GALNTL6: variants seen among roughly 807,000 people sequenced by gnomAD.
GALNTL6 encodes the protein polypeptide N-acetylgalactosaminyltransferase-like 6.
GALNTL6 carries 46 observed loss-of-function variants against 73.7 expected under a neutral mutation model. The ratio of observed to expected loss-of-function variants is 0.62; its 90% CI spans 0.49 to 0.80. The LOEUF (loss-of-function observed/expected upper bound fraction) is 0.80, where lower values mean the gene tolerates loss of function less well. GALNTL6 is among the 30% of genes least tolerant of loss of function. The probability of loss-of-function intolerance (pLI) is 0.00; values close to 1 mark genes in which losing one functional copy is unlikely to be tolerated. For synonymous variants in GALNTL6, 259 were observed against 263.7 expected (o/e 0.98, Z 0.17); for missense variants, 604 against 755.0 (o/e 0.80, Z 2.34).
chr4:172,456,435 A>G (rs2111433309), intron 5 of GALNTL6, among the ~76,000 whole-genome samples: 1 of 152,106 alleles, frequency 6.6e-6, no homozygotes, highest in African/African-American at 2.4e-5. Context: ...AACCCAATGC[A>G]AGGAAGCTAA....
chr4:172,988,801 G>A (rs1751410452), intron 10 of GALNTL6, among the ~76,000 whole-genome samples: 1 of 152,248 alleles, frequency 6.6e-6, no homozygotes, highest in Non-Finnish European at 1.5e-5. Context: ...CACTGCTCCA[G>A]AGGGTGCAAG....
intron 10 of GALNTL6, among the ~76,000 whole-genome samples, chr4:172,970,617 C>A (rs917517403): frequency 6.6e-6 from 1 of 152,182 alleles, no homozygotes; most frequent in Non-Finnish European, 1.5e-5. Flanking sequence ...TTCCCTTGTT[C>A]CCTGAAAATT....
intron 3 of GALNTL6, among the ~76,000 whole-genome samples, chr4:172,310,043 CA>C (rs1740295160): frequency 6.6e-6 from 1 of 151,964 alleles, no homozygotes; most frequent in Non-Finnish European, 1.5e-5. Flanking sequence ...CCAGAAAGGC[CA>C]GTTTATTAAA....
At chr4:171,850,841 C>G (rs1735505245) in intron 2 of GALNTL6, among the ~76,000 whole-genome samples, 1 of 152,070 alleles carries the variant, frequency 6.6e-6, no homozygotes, top group African/African-American at 2.4e-5. Flanking sequence ...TGCTGGGGAA[C>G]CTAGGATTTT....
At chr4:172,277,638 A>G (rs1738884941) in intron 3 of GALNTL6, among the ~76,000 whole-genome samples, 1 of 152,166 alleles carries the variant, frequency 6.6e-6, no homozygotes, top group African/African-American at 2.4e-5. Context: ...GTCTCTTTGC[A>G]TAATTTTCCA....
intron 5 of GALNTL6, among the ~76,000 whole-genome samples, chr4:172,685,144 A>G (rs1306962354): frequency 1.3e-5 from 2 of 152,310 alleles, no homozygotes; most frequent in East Asian, 3.9e-4. Context: ...ATAACCAGAA[A>G]AGGAGAGAAA....
chr4:172,545,333 T>C (rs1274585245), intron 5 of GALNTL6, among the ~76,000 whole-genome samples: 5 of 152,154 alleles, frequency 3.3e-5, no homozygotes, highest in Admixed American at 6.6e-5. Flanking sequence ...AGAAAAAAGG[T>C]GAAGATCCGT....
chr4:172,183,764 C>T (rs1437592785), intron 2 of GALNTL6, among the ~76,000 whole-genome samples: 3 of 150,474 alleles, frequency 2.0e-5, no homozygotes, highest in Middle Eastern at 3.5e-3. Context: ...TGAGCAAAGA[C>T]GTTAACAGTT....
chr4:172,620,376 A>G (rs1200787163), intron 5 of GALNTL6, among the ~76,000 whole-genome samples: 1 of 152,228 alleles, frequency 6.6e-6, no homozygotes. Context: ...TGAAGATTAT[A>G]GTAAATGAAT....
At chr4:172,610,020 T>G (rs777762032) in intron 5 of GALNTL6, among the ~76,000 whole-genome samples, 7 of 152,112 alleles carry the variant, frequency 4.6e-5, no homozygotes, top group Non-Finnish European at 7.4e-5. Context: ...TAGTTGTATT[T>G]CTTTGAGGTC....
Position 172,048,002 on chromosome 4 carries a change from T to C in GALNTL6, c.139-181654T>C, listed in dbSNP as rs574998871. On this transcript the variant is annotated intron_variant, in intron 2 of 12. Transcript: ENST00000506823. ...AAGCCCTCTGACAACCTAATAGCAG[T>C]GTTACTAATAACATCGCAAACTCTT... 9.9e-5 allele frequency among the ~76,000 whole-genome samples: 15 copies of C among 152,280 alleles called. No individual in the cohort carries two copies. In the South Asian group the frequency reaches 3.1e-3, roughly 32 times the overall value.
At chr4:172,786,887 A>T (rs1356941593) in intron 5 of GALNTL6, among the ~76,000 whole-genome samples, 5 of 152,226 alleles carry the variant, frequency 3.3e-5, no homozygotes, top group Non-Finnish European at 7.3e-5. Flanking sequence ...AGACTGAGCC[A>T]TGTCAAGTTT....
intron 9 of GALNTL6, among the ~76,000 whole-genome samples, chr4:172,938,546 A>C (rs1281832976): frequency 6.6e-6 from 1 of 152,210 alleles, no homozygotes; most frequent in Non-Finnish European, 1.5e-5. Context: ...CAAGGTTATA[A>C]AGTATGGTGG....
At chr4:171,849,080 T>A (rs1284519884) in intron 2 of GALNTL6, among the ~76,000 whole-genome samples, 1 of 152,222 alleles carries the variant, frequency 6.6e-6, no homozygotes, top group Non-Finnish European at 1.5e-5. Context: ...CTTGGCCAAC[T>A]GGCACAAGAG....
At chr4:172,040,826 A>G (rs1011965364) in intron 2 of GALNTL6, among the ~76,000 whole-genome samples, 4 of 152,100 alleles carry the variant, frequency 2.6e-5, no homozygotes, top group African/African-American at 9.7e-5. Context: ...ATTTGTTATT[A>G]TCTTAGAATA....
In GALNTL6 at chr4:172,343,492, T is replaced by C. The variant is rs115611115; in HGVS notation, c.387-5031T>C. On this transcript the variant is annotated intron_variant, in intron 4 of 12. Coordinates refer to ENST00000506823, the MANE Select transcript of GALNTL6 (RefSeq NM_001034845.3). The stretch of plus-strand genomic sequence containing the variant: ...TGGTACTTATTTCAAGTATTTGTAA[T>C]TAAAATTTATTTTGTGGCCTTTTTT... Among the ~76,000 whole-genome samples, 373 of 152,300 alleles carry C rather than the reference T, an allele frequency of 2.4e-3. 2 individuals carry two copies. The highest frequency in any genetic ancestry group is 8.2e-3 in the African/African-American group (342 of 41,582).
intron 5 of GALNTL6, among the ~76,000 whole-genome samples, chr4:172,729,220 G>T (rs1736005817): frequency 6.6e-6 from 1 of 151,946 alleles, no homozygotes; most frequent in African/African-American, 2.4e-5. Flanking sequence ...TAGTTCAGAA[G>T]CTTTTTAGCT....
intron 2 of GALNTL6, among the ~76,000 whole-genome samples, chr4:172,155,537 C>T (rs555174745): frequency 2.0e-5 from 3 of 152,290 alleles, no homozygotes; most frequent in South Asian, 2.1e-4. Flanking sequence ...TAAGACAATA[C>T]ATAATCATCT....
chr4:172,904,321 T>A (rs1468999524), intron 8 of GALNTL6, among the ~76,000 whole-genome samples: 1 of 152,226 alleles, frequency 6.6e-6, no homozygotes, highest in Non-Finnish European at 1.5e-5. Flanking sequence ...TTAATACCTT[T>A]AATTGGTTAA....
Sources: gnomAD v4.1 joint callset for allele counts (sites outside exome capture counted in the v4.1 genomes callset) on GRCh38, gnomAD v4.1.1 for gene constraint, MANE v1.5 for transcripts, NCBI Gene and HGNC (gene_info 2026-07-23, HGNC 2026-07-21) for gene names.